Variants in ETV6 observed in about 807,000 individuals in gnomAD.
ETV6 encodes the protein transcription factor ETV6.
In ETV6, 16 loss-of-function variants were observed where a neutral mutation model predicts 51.1. The observed-to-expected ratio is 0.31, with a 90% confidence interval of 0.21 to 0.48. ETV6 has a LOEUF of 0.48. ETV6 is among the 20% of genes least tolerant of loss of function. The pLI, the probability that ETV6 is intolerant of heterozygous loss-of-function variation, is 0.99. For synonymous variants in ETV6, 240 were observed against 224.1 expected, an observed-to-expected ratio of 1.07 and a Z score of -0.64; for missense variants, 458 against 594.8, an observed-to-expected ratio of 0.77 and a Z score of 2.39.
intron 1 of ETV6, among the ~76,000 whole-genome samples, chr12:11,679,357 C>T (rs910476676): frequency 6.6e-6 from 1 of 152,212 alleles, no homozygotes; most frequent in Non-Finnish European, 1.5e-5. Context: ...AACAGCCACT[C>T]TTAGCAGTTA....
At chr12:11,672,209 T>C (rs1231816719) in intron 1 of ETV6, among the ~76,000 whole-genome samples, 3 of 152,124 alleles carry the variant, frequency 2.0e-5, no homozygotes, top group Non-Finnish European at 4.4e-5. Context: ...CAATGTACTC[T>C]GAGTATTGTA....
chr12:11,813,409 A>G (rs1274543463), intron 2 of ETV6, among the ~76,000 whole-genome samples: 1 of 152,184 alleles, frequency 6.6e-6, no homozygotes, highest in South Asian at 2.1e-4. Flanking sequence ...TTTCAGTAGC[A>G]GAGGTAATGT....
intron 1 of ETV6, among the ~76,000 whole-genome samples, chr12:11,671,239 G>C (rs1232301262): frequency 6.6e-6 from 1 of 152,148 alleles, no homozygotes; most frequent in Non-Finnish European, 1.5e-5. Context: ...TGTCTCTTTT[G>C]CCTCTTTCAT....
At chr12:11,750,491 G>T (rs1206937127) in intron 1 of ETV6, among the ~76,000 whole-genome samples, 1 of 152,154 alleles carries the variant, frequency 6.6e-6, no homozygotes, top group Admixed American at 6.5e-5. Flanking sequence ...ATTGAATTTC[G>T]AAATGCTGTC....
intron 1 of ETV6, among the ~76,000 whole-genome samples, chr12:11,662,989 C>A (rs533151527): frequency 6.6e-6 from 1 of 152,304 alleles, no homozygotes; most frequent in East Asian, 1.9e-4. Context: ...CTGGGTGGTT[C>A]TTGGGCAGTT....
chr12:11,688,537 A>G (rs954720043), intron 1 of ETV6, among the ~76,000 whole-genome samples: 1 of 152,236 alleles, frequency 6.6e-6, no homozygotes, highest in Admixed American at 6.5e-5. Context: ...CCCACTGGTG[A>G]TAAGCTGGGC....
intron 4 of ETV6, among the ~76,000 whole-genome samples, chr12:11,854,621 C>T (rs1277461338): frequency 6.6e-6 from 1 of 152,160 alleles, no homozygotes; most frequent in Admixed American, 6.5e-5. Flanking sequence ...GAGCCATCAC[C>T]CTTGCCTTCA....
At chr12:11,813,132 C>T (rs1308046898) in intron 2 of ETV6, among the ~76,000 whole-genome samples, 4 of 152,348 alleles carry the variant, frequency 2.6e-5, no homozygotes, top group South Asian at 2.1e-4. Flanking sequence ...ACCTGCCCTC[C>T]GGGGAGAGTG....
intron 3 of ETV6, among the ~76,000 whole-genome samples, chr12:11,848,415 A>C (rs1946496538): frequency 6.6e-6 from 1 of 152,196 alleles, no homozygotes; most frequent in East Asian, 1.9e-4. Context: ...CCCCCTCAAC[A>C]GCATCTTGCA....
intron 1 of ETV6, among the ~76,000 whole-genome samples, chr12:11,746,458 C>T (rs1865910441): frequency 6.6e-6 from 1 of 152,212 alleles, no homozygotes; most frequent in South Asian, 2.1e-4. Flanking sequence ...ATACCACATG[C>T]TCACTTAATG....
chr12:11,653,348 C>G (rs1366262880), intron 1 of ETV6, among the ~76,000 whole-genome samples: 1 of 152,164 alleles, frequency 6.6e-6, no homozygotes, highest in Non-Finnish European at 1.5e-5. Context: ...AGGCTTGGCA[C>G]AGCTTGTTAG....
At chr12:11,702,245 G>A (rs1321910953) in intron 1 of ETV6, among the ~76,000 whole-genome samples, 1 of 152,110 alleles carries the variant, frequency 6.6e-6, no homozygotes, top group Non-Finnish European at 1.5e-5. Flanking sequence ...AGGTGCATCG[G>A]GCCTGTTGAC....
intron 1 of ETV6, among the ~76,000 whole-genome samples, chr12:11,718,603 TAAAAAAAA>T (rs35535946): frequency 9.5e-6 from 1 of 105,660 alleles, no homozygotes; most frequent in African/African-American, 3.5e-5. Context: ...CCATCGCTAC[TAAAAAAAA>T]AAAAAAAAAA....
At chr12:11,855,858 G>A (rs1048633907) in intron 4 of ETV6, among the ~76,000 whole-genome samples, 5 of 152,030 alleles carry the variant, frequency 3.3e-5, no homozygotes, top group East Asian at 1.9e-4. Context: ...GTGCATTTCC[G>A]GCTTGCATAA....
chr12:11,667,169 C>T (rs1864210190), intron 1 of ETV6, among the ~76,000 whole-genome samples: 1 of 152,200 alleles, frequency 6.6e-6, no homozygotes. Context: ...TTCCAGTGTC[C>T]AGCACGGTGC....
At position 11,893,444 on chromosome 12, in the gene ETV6, T is replaced by C. The variant is rs9870; in HGVS notation, c.*2398T>C. 0.073 allele frequency: 16,885 copies of C among 231,596 alleles called. 741 individuals are homozygous for C. Among genetic ancestry groups the C allele is most frequent in the Admixed American group, 0.15 (2,653 of 17,738 alleles). 14.3% of individuals were successfully genotyped at this position (231,596 alleles called of 1,614,324 possible). On this transcript the variant is annotated 3_prime_UTR_variant, in exon 8 of 8. Coordinates refer to ENST00000396373, the MANE Select transcript of ETV6 (RefSeq NM_001987.5). ...AAAGCAATATCCCAGGAGAATATGT[T>C]AGACTTAGGATGATACCTTCAGCCA...
At chr12:11,773,396 T>A (rs529125355) in intron 2 of ETV6, among the ~76,000 whole-genome samples, 1 of 152,246 alleles carries the variant, frequency 6.6e-6, no homozygotes, top group African/African-American at 2.4e-5. Flanking sequence ...ATGCAAAAGC[T>A]CTTGACATGA....
At chr12:11,781,031 G>A (rs914033733) in intron 2 of ETV6, among the ~76,000 whole-genome samples, 5 of 152,160 alleles carry the variant, frequency 3.3e-5, no homozygotes, top group African/African-American at 1.2e-4. Flanking sequence ...AATGAGTTTT[G>A]TTTCCTAATT....
intron 5 of ETV6, 92 bp from the exon 6 acceptor site, chr12:11,884,353 G>T: frequency 1.4e-6 from 2 of 1,405,518 alleles, no homozygotes; most frequent in Non-Finnish European, 2.0e-6. Context: ...AAGCTAGGCA[G>T]AAGCAGTTGC....
Sources: gnomAD v4.1 joint callset for allele counts (sites outside exome capture counted in the v4.1 genomes callset) on GRCh38, gnomAD v4.1.1 for gene constraint, MANE v1.5 for transcripts, NCBI Gene and HGNC (gene_info 2026-07-23, HGNC 2026-07-21) for gene names.